ANKRD11: variants seen among roughly 807,000 people sequenced by gnomAD.
ANKRD11 encodes ankyrin repeat domain 11.
ANKRD11 carries 17 observed loss-of-function variants against 195.7 expected under a neutral mutation model. That is an observed-to-expected ratio of 0.09 (90% CI 0.06 to 0.13). The LOEUF (loss-of-function observed/expected upper bound fraction) is 0.13. ANKRD11 is among the 10% of genes least tolerant of loss of function. The pLI, the probability that ANKRD11 is intolerant of heterozygous loss-of-function variation, is 1.00. For missense variants in ANKRD11, 3,735 were observed against 3,566.1 expected, an observed-to-expected ratio of 1.05 and a Z score of -1.21; for synonymous variants, 1,953 against 1,528.1, an observed-to-expected ratio of 1.28 and a Z score of -6.49.
At position 89,291,893 on chromosome 16, in the gene ANKRD11, C is replaced by T. The variant is rs140380316; in HGVS notation, c.227-710G>A. ...CTCATCTGACCCGTTACAGAACACT[C>T]GGCTGGCGTCTAACGCAACTCACGT... On this transcript the variant is annotated intron_variant, in intron 4 of 12. Transcript: ENST00000301030. This position sits in a 1 kb window ranked among gnomAD's most constrained non-coding sequence, Gnocchi z 5.3. The T allele has an allele frequency of 2.6e-4, 169 of 651,458 alleles. No individual in the cohort carries two copies. Among genetic ancestry groups the T allele is most frequent in the African/African-American group, 1.8e-3 (96 of 53,552 alleles). 40.4% of individuals were successfully genotyped at this position (651,458 alleles called of 1,614,324 possible).
At chr16:89,453,607 C>T (rs1484813738) in intron 1 of ANKRD11, among the ~76,000 whole-genome samples, 1 of 152,018 alleles carries the variant, frequency 6.6e-6, no homozygotes, top group Non-Finnish European at 1.5e-5. Context: ...AGAAAGGAGG[C>T]AAGACAGATG....
intron 4 of ANKRD11, among the ~76,000 whole-genome samples, chr16:89,302,186 T>C (rs911766665): frequency 1.3e-5 from 2 of 152,212 alleles, no homozygotes; most frequent in Non-Finnish European, 2.9e-5. Flanking sequence ...ACGCGGCGTG[T>C]GTGAGAGCCA....
intron 2 of ANKRD11, among the ~76,000 whole-genome samples, chr16:89,352,720 G>A (rs1391691308): frequency 6.6e-6 from 1 of 152,186 alleles, no homozygotes; most frequent in Non-Finnish European, 1.5e-5. Context: ...GCCTCAGCTG[G>A]GTGAGTCCCG....
chr16:89,382,562 A>G (rs770784720), intron 2 of ANKRD11, among the ~76,000 whole-genome samples: 13 of 152,128 alleles, frequency 8.5e-5, no homozygotes, highest in South Asian at 2.1e-4. Context: ...CCTGACCTCA[A>G]GTGATCCACC....
intron 1 of ANKRD11, among the ~76,000 whole-genome samples, chr16:89,453,775 T>C (rs1199823384): frequency 6.6e-6 from 1 of 152,084 alleles, no homozygotes; most frequent in African/African-American, 2.4e-5. Context: ...GAACAGGAAG[T>C]ATTACATGAA....
chr16:89,332,911 G>C lies in ANKRD11; in HGVS notation c.-59-15833C>G, dbSNP rs1224503398. Among the ~76,000 whole-genome samples, 4 of 152,248 alleles carry C rather than the reference G, an allele frequency of 2.6e-5. No homozygotes were observed. The East Asian group carries it at 7.7e-4, about 29-fold the overall frequency. ...TTGTTTTTTAACGCAAGGGTCCACA[G>C]TTGAGAACGTAGTTACAAACTCAAG... is the stretch of plus-strand genomic sequence containing the variant. On this transcript the variant is annotated intron_variant, in intron 2 of 12. Transcript: ENST00000301030.
chr16:89,380,291 T>C (rs1597213034), intron 2 of ANKRD11, among the ~76,000 whole-genome samples: 1 of 152,182 alleles, frequency 6.6e-6, no homozygotes, highest in Non-Finnish European at 1.5e-5. Flanking sequence ...TCTGTATTTT[T>C]AGTAGAGATG....
chr16:89,273,383 T>C (rs556613782), intron 11 of ANKRD11, among the ~76,000 whole-genome samples: 2 of 152,264 alleles, frequency 1.3e-5, no homozygotes, highest in South Asian at 4.1e-4. Flanking sequence ...AAAGCACCAT[T>C]TGGTCCAACT....
chr16:89,368,897 T>A (rs61150397), intron 2 of ANKRD11, among the ~76,000 whole-genome samples: 2,805 of 152,160 alleles, frequency 0.018, 79 homozygotes, highest in African/African-American at 0.064. Flanking sequence ...AGACTCTGTT[T>A]CCAAAAATTT....
Position 89,275,126 on chromosome 16 carries a change from C to A in ANKRD11, c.7536G>T (p.Arg2512=), listed in dbSNP as rs907721683. The A allele has an allele frequency of 1.9e-6, 3 of 1,612,408 alleles. No homozygotes were observed. The highest frequency in any genetic ancestry group is 2.7e-5 in the African/African-American group (2 of 74,914). The change falls in exon 10 of 13, where the codon CGG becomes CGT. Residue 2512 remains arginine, a synonymous_variant. Coordinates refer to ENST00000301030, the MANE Select transcript of ANKRD11 (RefSeq NM_013275.6). The stretch of plus-strand genomic sequence containing the variant: ...TGCTGTGCTGTAGACGCAGCTTTCC[C>A]CGGACGGCCTCCTGCTGCCTGAACA... ...KELFRQQEAV[R]GKLRLQHSIE... is the part of the protein sequence containing the mutation.
intron 4 of ANKRD11, among the ~76,000 whole-genome samples, chr16:89,304,717 C>T (rs924187962): frequency 1.3e-5 from 2 of 152,174 alleles, no homozygotes; most frequent in African/African-American, 4.8e-5. Context: ...CACTCTGGCA[C>T]AGGCACACAG....
At chr16:89,312,796 C>T (rs574939984) in intron 3 of ANKRD11, among the ~76,000 whole-genome samples, 147 of 152,356 alleles carry the variant, frequency 9.6e-4, no homozygotes, top group Admixed American at 2.0e-3. Context: ...CGTGAAACCA[C>T]AGCCTGAGGT....
chr16:89,425,544 G>C (rs1318366916), intron 1 of ANKRD11, among the ~76,000 whole-genome samples: 1 of 152,128 alleles, frequency 6.6e-6, no homozygotes, highest in Admixed American at 6.6e-5. Flanking sequence ...AAGGCCAGCT[G>C]GTGCAGACAG....
intron 12 of ANKRD11, chr16:89,269,795 C>T (rs1399697341): frequency 6.6e-6 from 1 of 152,122 alleles, no homozygotes; most frequent in Non-Finnish European, 1.5e-5. Context: ...GAGGTTTCAC[C>T]ATGTTGGCCA....
intron 1 of ANKRD11, among the ~76,000 whole-genome samples, chr16:89,479,520 A>T (rs2057371194): frequency 6.6e-6 from 1 of 152,092 alleles, no homozygotes; most frequent in Non-Finnish European, 1.5e-5. Flanking sequence ...CTGTAATCCC[A>T]GCTATTCTGG....
chr16:89,327,148 G>A (rs1219445331), intron 2 of ANKRD11, among the ~76,000 whole-genome samples: 1 of 151,894 alleles, frequency 6.6e-6, no homozygotes, highest in Non-Finnish European at 1.5e-5. Context: ...TGATGACAGC[G>A]AAATATGTAA....
At chr16:89,450,365 G>C (rs1262191123) in intron 1 of ANKRD11, among the ~76,000 whole-genome samples, 1 of 152,066 alleles carries the variant, frequency 6.6e-6, no homozygotes, top group African/African-American at 2.4e-5. Context: ...AGAATACAAC[G>C]AAGTATACCT....
chr16:89,355,293 G>A (rs935031538), intron 2 of ANKRD11, among the ~76,000 whole-genome samples: 4 of 152,110 alleles, frequency 2.6e-5, no homozygotes, highest in Admixed American at 6.5e-5. Flanking sequence ...CCTGAGGCTC[G>A]GAAGGCGGGC....
At chr16:89,479,749 C>A (rs1054871063) in intron 1 of ANKRD11, among the ~76,000 whole-genome samples, 18 of 152,016 alleles carry the variant, frequency 1.2e-4, no homozygotes, top group African/African-American at 4.3e-4. Context: ...TGAGACCATC[C>A]TGGCTAACAC....
Sources: gnomAD v4.1 joint callset for allele counts (sites outside exome capture counted in the v4.1 genomes callset) on GRCh38, gnomAD v4.1.1 for gene constraint, Gnocchi (gnomAD v3.1) non-coding constraint, MANE v1.5 for transcripts, NCBI Gene and HGNC (gene_info 2026-07-23, HGNC 2026-07-21) for gene names.